Variants in DZIP1L observed in about 807,000 individuals in gnomAD.
The protein encoded by DZIP1L is cilium assembly protein DZIP1L.
DZIP1L carries 90 observed loss-of-function variants against 88.7 expected under a neutral mutation model. The observed-to-expected ratio is 1.02, with a 90% CI of 0.86 to 1.21. The LOEUF (loss-of-function observed/expected upper bound fraction) is 1.21. DZIP1L is among the 50% of genes most tolerant of loss of function. DZIP1L has a pLI of 0.00. For synonymous variants in DZIP1L, 363 were observed against 372.1 expected (o/e 0.98, Z 0.28); for missense variants, 932 against 955.8 (o/e 0.98, Z 0.33).
At chr3:138,110,520 C>T (rs1345030426) in intron 1 of DZIP1L, among the ~76,000 whole-genome samples, 2 of 152,150 alleles carry the variant, frequency 1.3e-5, no homozygotes, top group African/African-American at 2.4e-5. Flanking sequence ...ATCCCTGCTA[C>T]GCTCACAGTC....
intron 10 of DZIP1L, 78 bp downstream of exon 10, chr3:138,080,489 T>G (rs779284519): frequency 4.6e-6 from 7 of 1,516,658 alleles, no homozygotes; most frequent in East Asian, 2.3e-5. Context: ...TACAGTTAAG[T>G]AGAGACAAAC....
Position 138,064,709 on chromosome 3 carries a change from C to T in DZIP1L, c.2061G>A (p.Lys687=), listed in dbSNP as rs1025997652. ...ACAGACTGACCCCTCCAGCAGGCTT[C>T]TTTGCTGGAGCTTCTAGCTGCTTCT... ...NLEKQLEAPA[K]KPAGGVSLFF... Residue 687 remains lysine, a synonymous_variant, in exon 15 of 16, where the codon AAG becomes AAA. Coordinates refer to ENST00000327532, the MANE Select transcript of DZIP1L (RefSeq NM_173543.3). The T allele has an allele frequency of 6.2e-7, 1 of 1,611,070 alleles. No homozygotes were observed. The highest frequency in any genetic ancestry group is 8.5e-7 in the Non-Finnish European group (1 of 1,179,046).
At chr3:138,105,102 T>A (rs1281371564) in intron 1 of DZIP1L, among the ~76,000 whole-genome samples, 1 of 152,144 alleles carries the variant, frequency 6.6e-6, no homozygotes, top group South Asian at 2.1e-4. Flanking sequence ...GAAATGATAA[T>A]CTCCAATATA....
intron 8 of DZIP1L, among the ~76,000 whole-genome samples, chr3:138,083,412 G>A (rs1943763848): frequency 1.3e-5 from 2 of 152,196 alleles, no homozygotes; most frequent in African/African-American, 4.8e-5. Context: ...TCCATGAGGT[G>A]GGTGGCAGCA....
chr3:138,064,642 C>G lies in DZIP1L; in HGVS notation c.2128G>C (p.Gly710Arg). 6.2e-7 allele frequency: 1 copy of G among 1,614,182 alleles called. No individual in the cohort carries two copies. Among genetic ancestry groups the G allele is most frequent in the South Asian group, 1.1e-5 (1 of 91,084 alleles). Residue 710 changes from glycine (G) to arginine (R), a missense_variant, in exon 15 of 16, where the codon GGA becomes CGA. By Grantham distance (125) the Gly-to-Arg change is moderately radical. Transcript: ENST00000327532. The stretch of plus-strand genomic sequence containing the variant: ...CTACATCCTACCTGAGGCTTCCTTC[C>G]TGGTGTGGCAGCCCTCTGTGGCCCA... ...NAGPQRAATP[G>R]RKPQLSEDES...
intron 2 of DZIP1L, chr3:138,101,763 G>A: frequency 9.8e-7 from 1 of 1,024,060 alleles, no homozygotes; most frequent in Non-Finnish European, 1.6e-6. Context: ...GCTTCCTATA[G>A]GTGGCGATCT....
intron 11 of DZIP1L, among the ~76,000 whole-genome samples, chr3:138,075,065 T>C (rs903168015): frequency 1.3e-5 from 2 of 152,106 alleles, no homozygotes; most frequent in African/African-American, 4.8e-5. Context: ...AACAGGGACA[T>C]TACATAATGA....
At position 138,067,607 on chromosome 3, in the gene DZIP1L, G is replaced by A. The variant is rs1034706676; in HGVS notation, c.1926C>T (p.Pro642=). The A allele has an allele frequency of 1.2e-6, 2 of 1,611,714 alleles. No individual in the cohort carries two copies. The highest frequency in any genetic ancestry group is 2.7e-5 in the African/African-American group (2 of 74,800). ...QPPKVPSRMV[P]RPKDDWDWSD... is the part of the protein sequence containing the mutation. Reference sequence around the variant, plus strand: ...ACCAGTCCCAGTCATCCTTGGGCCGGGGCACCATCCTGGAAGGAACTTTTG... The same window carrying A: ...ACCAGTCCCAGTCATCCTTGGGCCGAGGCACCATCCTGGAAGGAACTTTTG... Residue 642 remains proline (P), a synonymous_variant, in exon 14 of 16, where the codon CCC becomes CCT. Coordinates refer to ENST00000327532, the MANE Select transcript of DZIP1L (RefSeq NM_173543.3).
At chr3:138,097,003 G>A (rs1944503539) in intron 3 of DZIP1L, among the ~76,000 whole-genome samples, 1 of 151,966 alleles carries the variant, frequency 6.6e-6, no homozygotes, top group African/African-American at 2.4e-5. Context: ...AACACAGTGA[G>A]ACCTCATCTC....
At chr3:138,114,693 C>T (rs2042665031) in intron 1 of DZIP1L, among the ~76,000 whole-genome samples, 1 of 152,130 alleles carries the variant, frequency 6.6e-6, no homozygotes, top group South Asian at 2.1e-4. Context: ...AGGCCCTGGG[C>T]CCCTAGGAAG....
chr3:138,064,017 T>C (rs1417546994), intron 15 of DZIP1L, among the ~76,000 whole-genome samples: 1 of 152,166 alleles, frequency 6.6e-6, no homozygotes, highest in East Asian at 1.9e-4. Flanking sequence ...AGTTGTTCCC[T>C]GATGGAGGAG....
intron 11 of DZIP1L, among the ~76,000 whole-genome samples, chr3:138,076,825 T>G (rs2724698): frequency 0.64 from 96,599 of 151,810 alleles, 31,389 homozygotes; most frequent in Non-Finnish European, 0.7. Flanking sequence ...TCACGTGATG[T>G]GTGCACCAAA....
chr3:138,095,870 G>A (rs375793605), intron 3 of DZIP1L, among the ~76,000 whole-genome samples: 1 of 152,082 alleles, frequency 6.6e-6, no homozygotes, highest in African/African-American at 2.4e-5. Context: ...AATTTAAATT[G>A]TTTAAGTGAA....
At chr3:138,068,888 A>G in intron 12 of DZIP1L, 1 of 1,234,732 alleles carries the variant, frequency 8.1e-7, no homozygotes, top group Non-Finnish European at 1.0e-6. Context: ...AAATTGCATC[A>G]AGACCTATAG....
chr3:138,067,764 C>T, intron 13 of DZIP1L, 64 bp from the exon 14 acceptor site: 2 of 1,474,806 alleles, frequency 1.4e-6, no homozygotes, highest in South Asian at 1.4e-5. Flanking sequence ...AAAAGCCAAA[C>T]TTCACCACGC....
At chr3:138,082,739 C>T (rs944228433) in intron 8 of DZIP1L, among the ~76,000 whole-genome samples, 1 of 152,230 alleles carries the variant, frequency 6.6e-6, no homozygotes, top group African/African-American at 2.4e-5. Flanking sequence ...CCTACCTCTA[C>T]TCCAAACTGC....
intron 10 of DZIP1L, among the ~76,000 whole-genome samples, chr3:138,079,025 C>T (rs1943531944): frequency 6.6e-6 from 1 of 152,182 alleles, no homozygotes; most frequent in Non-Finnish European, 1.5e-5. Context: ...TGGGTCCTGC[C>T]CCCAGAGTTT....
chr3:138,081,674 G>A (rs987403021), intron 9 of DZIP1L, 60 bp downstream of exon 9: 134 of 1,540,644 alleles, frequency 8.7e-5, no homozygotes, highest in Non-Finnish European at 1.1e-4. Context: ...GGGAAAAGGA[G>A]GGAGAAAAGC....
At position 138,075,776 on chromosome 3, in the gene DZIP1L, G is replaced by A. The variant is rs573016501; in HGVS notation, c.1422+1723C>T. ...GCCGAGGTGGGTGGATCAGGAATTC[G>A]AGACCATCCTGGCAAACATGGTGAA... is the stretch of plus-strand genomic sequence containing the variant. On this transcript the variant is annotated intron_variant, in intron 11 of 15. Transcript: ENST00000327532. Among the ~76,000 whole-genome samples the A allele has an allele frequency of 9.6e-4, 146 of 152,184 alleles. 1 individual carries two copies. In the Middle Eastern group the frequency reaches 0.017, roughly 18 times the overall value.
Sources: gnomAD v4.1 joint callset for allele counts (sites outside exome capture counted in the v4.1 genomes callset) on GRCh38, gnomAD v4.1.1 for gene constraint, MANE v1.5 for transcripts, NCBI Gene and HGNC (gene_info 2026-07-23, HGNC 2026-07-21) for gene names.